MTUS1: variants seen among roughly 807,000 people sequenced by gnomAD.
MTUS1 encodes the protein microtubule-associated tumor suppressor 1.
Under a neutral mutation model 120.8 loss-of-function variants are expected in MTUS1, and 109 were observed. The observed-to-expected ratio is 0.90, with a 90% CI of 0.77 to 1.06. MTUS1 has a LOEUF of 1.06. Ranked by LOEUF, MTUS1 falls within the 50% of genes least tolerant of loss-of-function variation. The probability of loss-of-function intolerance (pLI) is 0.00; values close to 1 mark genes in which losing one functional copy is unlikely to be tolerated. For synonymous variants in MTUS1, 737 were observed against 550.5 expected (o/e 1.34, Z -4.74); for missense variants, 2,210 against 1,486.3 (o/e 1.49, Z -8.01).
chr8:17,663,440 T>C (rs978228105), intron 8 of MTUS1, among the ~76,000 whole-genome samples: 3 of 152,246 alleles, frequency 2.0e-5, no homozygotes, highest in Non-Finnish European at 4.4e-5. Flanking sequence ...TGGTTCATTA[T>C]GAGACGACCA....
At position 17,721,769 on chromosome 8, in the gene MTUS1, C is replaced by A. The variant is rs201491467; in HGVS notation, c.2449+1903G>T. 3.9e-4 allele frequency: 625 copies of A among 1,613,970 alleles called. 5 individuals are homozygous for A. In the African/African-American group the frequency reaches 7.5e-3, roughly 19 times the overall value. On this transcript the variant is annotated intron_variant, in intron 4 of 14. Transcript: ENST00000693296. Reference sequence around the variant, plus strand: ...ATTATACAAAGGCTGTACGATCCCACGACCAGCAGTGTCAATAAGGTAGCA... The same window carrying A: ...ATTATACAAAGGCTGTACGATCCCAAGACCAGCAGTGTCAATAAGGTAGCA...
Position 17,755,554 on chromosome 8 carries a change from G to A in MTUS1, c.254C>T (p.Ser85Phe). 5 of 1,614,164 alleles carry A rather than the reference G, an allele frequency of 3.1e-6. No homozygotes were observed. Among genetic ancestry groups the A allele is most frequent in the Non-Finnish European group, 4.2e-6 (5 of 1,180,020 alleles). ...CTGCTTACTAATGAAATCACTAGAA[G>A]ACTTTTCATGACCAAATACTTCAAC... ...QGVEVFGHEK[S>F]SSDFISKQVL... Residue 85 changes from serine to phenylalanine, a missense_variant, in exon 2 of 15, where the codon TCT becomes TTT. Coordinates refer to ENST00000693296, the MANE Select transcript of MTUS1 (RefSeq NM_001363059.2).
At chr8:17,716,157 A>G (rs989934075) in intron 4 of MTUS1, among the ~76,000 whole-genome samples, 3 of 152,234 alleles carry the variant, frequency 2.0e-5, no homozygotes, top group Non-Finnish European at 4.4e-5. Flanking sequence ...TGTCCAGTTC[A>G]GCTTTCATCC....
chr8:17,720,365 A>C (rs1458775067), intron 4 of MTUS1, among the ~76,000 whole-genome samples: 3 of 151,902 alleles, frequency 2.0e-5, no homozygotes, highest in African/African-American at 7.3e-5. Flanking sequence ...AAAACAAAAA[A>C]CAAAAAACAA....
chr8:17,697,819 T>C, intron 6 of MTUS1: 3 of 659,072 alleles, frequency 4.6e-6, no homozygotes, highest in Non-Finnish European at 5.7e-6. Context: ...CTACTTCAAG[T>C]GCCTAATGTT....
intron 1 of MTUS1, among the ~76,000 whole-genome samples, chr8:17,785,224 C>T (rs2051207301): frequency 6.6e-6 from 1 of 151,660 alleles, no homozygotes; most frequent in Admixed American, 6.6e-5. Flanking sequence ...TCCAGTTCAG[C>T]CAGGAAGACA....
At chr8:17,784,480 A>C (rs976553638) in intron 1 of MTUS1, among the ~76,000 whole-genome samples, 1 of 152,046 alleles carries the variant, frequency 6.6e-6, no homozygotes, top group African/African-American at 2.4e-5. Flanking sequence ...TTTTTAGTGG[A>C]GATGAAGTAT....
At chr8:17,676,680 G>A (rs1267878570) in intron 7 of MTUS1, among the ~76,000 whole-genome samples, 1 of 152,146 alleles carries the variant, frequency 6.6e-6, no homozygotes, top group East Asian at 1.9e-4. Context: ...CCTCTGCATG[G>A]ATAATGGAGT....
intron 9 of MTUS1, 131 bp from the exon 10 acceptor site, chr8:17,654,797 A>G: frequency 3.1e-6 from 2 of 653,416 alleles, no homozygotes; most frequent in Non-Finnish European, 5.4e-6. Flanking sequence ...AGGCTCCTCA[A>G]CACATACAAA....
intron 3 of MTUS1, among the ~76,000 whole-genome samples, chr8:17,727,871 C>A (rs1044098698): frequency 3.3e-5 from 5 of 152,074 alleles, no homozygotes; most frequent in Admixed American, 1.3e-4. Flanking sequence ...TAGGGAAAAT[C>A]TGGAAGGAAT....
chr8:17,660,409 G>A (rs541140359), intron 8 of MTUS1, among the ~76,000 whole-genome samples: 20 of 152,234 alleles, frequency 1.3e-4, no homozygotes, highest in African/African-American at 4.6e-4. Flanking sequence ...TGCACGTACA[G>A]ATGACATTTG....
At chr8:17,730,972 G>A (rs1355258679) in intron 3 of MTUS1, among the ~76,000 whole-genome samples, 2 of 128,672 alleles carry the variant, frequency 1.6e-5, no homozygotes, top group African/African-American at 3.1e-5. Flanking sequence ...GGCACATTCT[G>A]TGCAATATAT....
chr8:17,774,046 A>G (rs948738129), intron 1 of MTUS1, among the ~76,000 whole-genome samples: 1 of 152,160 alleles, frequency 6.6e-6, no homozygotes, highest in Non-Finnish European at 1.5e-5. Flanking sequence ...TATGACCTTA[A>G]CAATCCTGCT....
chr8:17,780,261 CCTG>C (rs2050771345), intron 1 of MTUS1, among the ~76,000 whole-genome samples: 1 of 152,210 alleles, frequency 6.6e-6, no homozygotes, highest in Non-Finnish European at 1.5e-5. Context: ...ATGACAGATT[CCTG>C]CTGCCTTCTG....
At position 17,644,571 on chromosome 8, in the gene MTUS1, T is replaced by C. The variant is rs538682544; in HGVS notation, c.*1355A>G. 2 of 152,498 alleles carry C rather than the reference T, an allele frequency of 1.3e-5. No individual in the cohort carries two copies. The highest frequency in any genetic ancestry group is 6.5e-5 in the Admixed American group (1 of 15,304). The allele number at this position is 152,498 out of a possible 1,614,324, so 9.4% of individuals were successfully genotyped here. A position where few individuals can be genotyped will look rare whatever the true frequency, so the allele number is the denominator to read the frequency against. ...TTGGACAAGCCACATTTTCCACTCA[T>C]GGGAAAGAAGCGGACCATTCTGCTA... On this transcript the variant is annotated 3_prime_UTR_variant, in exon 15 of 15. Transcript: ENST00000693296.
At chr8:17,745,439 T>C (rs574154741) in intron 2 of MTUS1, among the ~76,000 whole-genome samples, 2 of 152,266 alleles carry the variant, frequency 1.3e-5, no homozygotes, top group African/African-American at 2.4e-5. Flanking sequence ...GTTTTGCTTT[T>C]TGAAACACTG....
intron 1 of MTUS1, among the ~76,000 whole-genome samples, chr8:17,761,336 CATTAT>C (rs1276212105): frequency 6.6e-6 from 1 of 152,090 alleles, no homozygotes; most frequent in Non-Finnish European, 1.5e-5. Flanking sequence ...AGAACTGAAT[CATTAT>C]ATTAATTACA....
chr8:17,736,969 T>C (rs78116973), intron 3 of MTUS1, among the ~76,000 whole-genome samples: 4 of 152,238 alleles, frequency 2.6e-5, no homozygotes, highest in African/African-American at 9.6e-5. Context: ...TTAAGCTCCC[T>C]AATGGAAGGA....
rs563773404 is a variant in MTUS1, at chr8:17,687,132, G to A, written c.2624-2590C>T. 3.7e-4 allele frequency among the ~76,000 whole-genome samples: 56 copies of A among 152,224 alleles called. 2 individuals carry two copies. In the South Asian group the frequency reaches 4.6e-3, roughly 12 times the overall value. On this transcript the variant is annotated intron_variant, in intron 6 of 14. Transcript: ENST00000693296. ...CATTGATGTATTCGTCTAAGAGTAC[G>A]TGTCTTCAAATTTTAAAATGAGAGC...
Sources: allele counts gnomAD v4.1 joint callset (sites outside exome capture counted in the v4.1 genomes callset), GRCh38; gene constraint gnomAD v4.1.1; transcripts MANE v1.5; gene names NCBI Gene and HGNC (gene_info 2026-07-23, HGNC 2026-07-21).